The following NCOA5 variants were observed in gnomAD, a reference collection of about 807,000 sequenced individuals.
NCOA5 encodes the protein NCoA-5.
NCOA5 carries 12 observed loss-of-function variants against 59.0 expected under a neutral mutation model. That is an observed-to-expected ratio of 0.20 (90% confidence interval 0.13 to 0.33). The LOEUF (loss-of-function observed/expected upper bound fraction) is 0.33, where lower values mean the gene tolerates loss of function less well. Among genes scored for constraint, NCOA5 ranks in the 10% least tolerant of loss-of-function variants. The pLI, the probability that NCOA5 is intolerant of heterozygous loss-of-function variation, is 1.00. For synonymous variants in NCOA5, 270 were observed against 275.5 expected (o/e 0.98, Z 0.20); for missense variants, 655 against 766.6 (o/e 0.85, Z 1.72).
chr20:46,081,599 T>C (rs1353909324), intron 1 of NCOA5, among the ~76,000 whole-genome samples: 1 of 152,178 alleles, frequency 6.6e-6, no homozygotes, highest in African/African-American at 2.4e-5. Context: ...AAAGTATTTA[T>C]ATTTGACAGC....
chr20:46,084,739 C>T (rs1295551062), intron 1 of NCOA5, among the ~76,000 whole-genome samples: 1 of 151,990 alleles, frequency 6.6e-6, no homozygotes, highest in Non-Finnish European at 1.5e-5. Context: ...TATGTTGACT[C>T]AAGGAGAAAA....
intron 2 of NCOA5, among the ~76,000 whole-genome samples, chr20:46,078,729 GA>G (rs2084964008): frequency 6.6e-6 from 1 of 152,138 alleles, no homozygotes; most frequent in African/African-American, 2.4e-5. Context: ...TGAGAGGAGG[GA>G]CCAATTTAAT....
At chr20:46,085,809 C>T (rs894644045) in intron 1 of NCOA5, among the ~76,000 whole-genome samples, 1 of 152,076 alleles carries the variant, frequency 6.6e-6, no homozygotes, top group Non-Finnish European at 1.5e-5. Flanking sequence ...GGGCTATAAA[C>T]TGAACTACCA....
chr20:46,075,922 C>A (rs908133229), intron 2 of NCOA5, among the ~76,000 whole-genome samples: 2 of 152,064 alleles, frequency 1.3e-5, no homozygotes, highest in Non-Finnish European at 2.9e-5. Flanking sequence ...TTGGCTGGGC[C>A]AATATTGTCA....
chr20:46,072,998 C>T (rs117768330), intron 2 of NCOA5, among the ~76,000 whole-genome samples: 70 of 152,280 alleles, frequency 4.6e-4, no homozygotes, highest in Non-Finnish European at 8.8e-4. Flanking sequence ...CTTCTATAAC[C>T]GCACTTACCA....
At chr20:46,086,508 G>A (rs1184032038) in intron 1 of NCOA5, among the ~76,000 whole-genome samples, 1 of 152,096 alleles carries the variant, frequency 6.6e-6, no homozygotes, top group East Asian at 1.9e-4. Flanking sequence ...CTAATGTACT[G>A]CTGCTTGAGA....
rs370699045 is a variant in NCOA5 at position 46,065,010 on chromosome 20, C to T, written c.829+19G>A. 83 of 1,613,286 alleles carry T rather than the reference C, an allele frequency of 5.1e-5. No homozygotes were observed. Among genetic ancestry groups the T allele is most frequent in the African/African-American group, 2.5e-4 (19 of 74,906 alleles). On this transcript the variant is annotated intron_variant, in intron 6 of 7. Coordinates refer to ENST00000290231, the MANE Select transcript of NCOA5 (RefSeq NM_020967.3). ...CTAATAATGGACTAGTGACTACCTCCGGTATTCTGACTCTGTACCTTGCGG... is the reference window on the plus strand; with the variant it reads ...CTAATAATGGACTAGTGACTACCTCTGGTATTCTGACTCTGTACCTTGCGG...
chr20:46,086,269 G>C (rs1047769336), intron 1 of NCOA5, among the ~76,000 whole-genome samples: 2 of 152,120 alleles, frequency 1.3e-5, no homozygotes, highest in South Asian at 4.1e-4. Flanking sequence ...AAAGTTGTCT[G>C]GTCTTTACAT....
At chr20:46,083,907 G>C (rs1393461659) in intron 1 of NCOA5, among the ~76,000 whole-genome samples, 1 of 152,222 alleles carries the variant, frequency 6.6e-6, no homozygotes, top group South Asian at 2.1e-4. Flanking sequence ...TCAGGGATAA[G>C]AGAATGTTAT....
In NCOA5 at chr20:46,063,604, C is replaced by T; in HGVS notation, c.906G>A (p.Arg302=). Residue 302 remains arginine (R), a synonymous_variant, in exon 7 of 8, where the codon CGG becomes CGA. Coordinates refer to ENST00000290231, the MANE Select transcript of NCOA5 (RefSeq NM_020967.3). ...TGGCAATCTCCTCACGTTCCTTCTC[C>T]CGGCACTCATTCTTGTAACGCTCAT... ...RNYERYKNEC[R]EKEREEIARQ... 1 of 1,614,172 alleles carries T rather than the reference C, an allele frequency of 6.2e-7. No individual in the cohort carries two copies. Among genetic ancestry groups the T allele is most frequent in the South Asian group, 1.1e-5 (1 of 91,082 alleles).
chr20:46,067,085 C>T lies in NCOA5; in HGVS notation c.599G>A (p.Cys200Tyr). 6.2e-7 allele frequency: 1 copy of T among 1,614,100 alleles called. No individual in the cohort carries two copies. The highest frequency in any genetic ancestry group is 8.5e-7 in the Non-Finnish European group (1 of 1,180,006). ...CTGTTTGTTGACCACAATCACAGAA[C>T]AATCAACGGGCCTTTCGGCATCAAA... is the stretch of plus-strand genomic sequence containing the variant. ...RRFDAERPVD[C>Y]SVIVVNKQTK... The change falls in exon 5 of 8, where the codon TGT becomes TAT. Residue 200 changes from cysteine to tyrosine, a missense_variant. By Grantham distance (194) the Cys-to-Tyr change is radical. Transcript: ENST00000290231.
chr20:46,062,840 C>A lies in NCOA5; in HGVS notation c.1200G>T (p.Lys400Asn), dbSNP rs2084781873. ...GGAGCGGTTGGGAGCTTGGCTGTGTCTTCAGCGAGGCACCCGAGGTCGCCC... is the reference window on the plus strand; with the variant it reads ...GGAGCGGTTGGGAGCTTGGCTGTGTATTCAGCGAGGCACCCGAGGTCGCCC... ...PLGATSGASL[K>N]TQPSSQPLQS... Residue 400 changes from lysine to asparagine, a missense_variant, in exon 8 of 8, where the codon AAG becomes AAT. Around this residue, in one of 3 missense-constraint regions of NCOA5, gnomAD observed 325 missense variants for 353.2 expected, o/e 0.92. Coordinates refer to ENST00000290231, the MANE Select transcript of NCOA5 (RefSeq NM_020967.3). The A allele has an allele frequency of 1.3e-6, 2 of 1,530,424 alleles. No homozygotes were observed. The highest frequency in any genetic ancestry group is 2.3e-5 in the East Asian group (1 of 44,156). 94.8% of individuals were successfully genotyped at this position (1,530,424 alleles called of 1,614,324 possible).
At chr20:46,080,977 G>A (rs1304789320) in intron 1 of NCOA5, among the ~76,000 whole-genome samples, 1 of 151,998 alleles carries the variant, frequency 6.6e-6, no homozygotes, top group Non-Finnish European at 1.5e-5. Context: ...TCTATTATAC[G>A]TAATTGTGAA....
intron 1 of NCOA5, among the ~76,000 whole-genome samples, chr20:46,082,245 G>A (rs547576382): frequency 2.6e-5 from 4 of 152,094 alleles, no homozygotes; most frequent in Admixed American, 2.0e-4. Context: ...GAAAGACACA[G>A]TATCTAATCT....
intron 1 of NCOA5, among the ~76,000 whole-genome samples, chr20:46,083,756 C>CA (rs963417363): frequency 1.3e-5 from 2 of 152,194 alleles, no homozygotes; most frequent in African/African-American, 4.8e-5. Flanking sequence ...ACCATACTGA[C>CA]AAGACAGAGA....
At chr20:46,071,398 C>T (rs1488020268) in intron 2 of NCOA5, among the ~76,000 whole-genome samples, 1 of 152,158 alleles carries the variant, frequency 6.6e-6, no homozygotes, top group African/African-American at 2.4e-5. Context: ...GCTTTTTCTT[C>T]CCCCATCCCA....
intron 2 of NCOA5, among the ~76,000 whole-genome samples, chr20:46,073,861 CAA>C (rs2084909528): frequency 3.3e-5 from 5 of 152,340 alleles, no homozygotes; most frequent in East Asian, 1.9e-4. Context: ...TCTAGATTCG[CAA>C]AGTCTGGGTT....
At position 46,061,116 on chromosome 20, in the gene NCOA5, C is replaced by G. The variant is rs1230230757; in HGVS notation, c.*1184G>C. On this transcript the variant is annotated 3_prime_UTR_variant, in exon 8 of 8. Transcript: ENST00000290231. ...ACATAAAATGCTGCCATTTGGGGAC[C>G]TTGAATTTTGAAACCATTGTTTGCT... 1 of 152,078 alleles carries G rather than the reference C, an allele frequency of 6.6e-6. No homozygotes were observed. The highest frequency in any genetic ancestry group is 2.4e-5 in the African/African-American group (1 of 41,392). 9.4% of individuals were successfully genotyped at this position (152,078 alleles called of 1,614,324 possible).
chr20:46,082,304 T>C (rs1278496864), intron 1 of NCOA5, among the ~76,000 whole-genome samples: 3 of 152,222 alleles, frequency 2.0e-5, no homozygotes, highest in Admixed American at 2.0e-4. Flanking sequence ...CCTAAATCCT[T>C]ATAGAGAGAT....
Sources: allele counts gnomAD v4.1 joint callset (sites outside exome capture counted in the v4.1 genomes callset), GRCh38; gene constraint gnomAD v4.1.1; regional missense constraint gnomAD v4.1.1; transcripts MANE v1.5; gene names NCBI Gene and HGNC (gene_info 2026-07-23, HGNC 2026-07-21).